Variants in KCNH7 observed in about 807,000 individuals in gnomAD.
KCNH7 encodes potassium voltage-gated channel subfamily H member 7.
A neutral mutation model predicts 120.8 loss-of-function variants in KCNH7; 49 were observed. The ratio of observed to expected loss-of-function variants is 0.41; its 90% CI spans 0.32 to 0.51. KCNH7 has a LOEUF of 0.51. Among genes scored for constraint, KCNH7 ranks in the 20% least tolerant of loss-of-function variants. The pLI, the probability that KCNH7 is intolerant of heterozygous loss-of-function variation, is 0.38. For synonymous variants in KCNH7, 547 were observed against 516.1 expected, an observed-to-expected ratio of 1.06 and a Z score of -0.81; for missense variants, 1,097 against 1,446.6, an observed-to-expected ratio of 0.76 and a Z score of 3.92.
intron 2 of KCNH7, among the ~76,000 whole-genome samples, chr2:162,542,640 C>T (rs986764146): frequency 4.6e-5 from 7 of 151,946 alleles, no homozygotes; most frequent in African/African-American, 9.7e-5. Flanking sequence ...TTCCTTAATC[C>T]GGTCTGTCAT....
At chr2:162,581,782 A>G (rs568828554) in intron 2 of KCNH7, among the ~76,000 whole-genome samples, 3 of 152,232 alleles carry the variant, frequency 2.0e-5, no homozygotes, top group African/African-American at 4.8e-5. Flanking sequence ...ACAATGTCAT[A>G]TATCTTACTT....
intron 2 of KCNH7, among the ~76,000 whole-genome samples, chr2:162,677,152 A>G (rs1035201044): frequency 9.9e-5 from 15 of 151,576 alleles, no homozygotes; most frequent in Admixed American, 7.9e-4. Flanking sequence ...CAGATTAAGT[A>G]GCAGAAAATA....
intron 2 of KCNH7, among the ~76,000 whole-genome samples, chr2:162,815,637 G>A (rs1291129375): frequency 6.6e-6 from 1 of 152,212 alleles, no homozygotes; most frequent in African/African-American, 2.4e-5. Flanking sequence ...GACAGTTTAT[G>A]TCAGTCTCAA....
At chr2:162,774,372 G>A (rs1365339855) in intron 2 of KCNH7, among the ~76,000 whole-genome samples, 2 of 152,162 alleles carry the variant, frequency 1.3e-5, no homozygotes, top group African/African-American at 2.4e-5. Context: ...CAACAGGGAA[G>A]GGAGAGAAAG....
intron 2 of KCNH7, among the ~76,000 whole-genome samples, chr2:162,597,755 T>C (rs1215024326): frequency 6.6e-6 from 1 of 152,120 alleles, no homozygotes; most frequent in Non-Finnish European, 1.5e-5. Context: ...TTCATTGACC[T>C]GATTTTCTCA....
chr2:162,504,657 C>T lies in KCNH7; in HGVS notation c.914G>A (p.Gly305Glu), dbSNP rs1323610941. ...ASEDNGRNVKGPFNHIKSSLL... is the reference protein window; with the variant it reads ...ASEDNGRNVKEPFNHIKSSLL... ...GCTTGACTTGATATGATTAAAAGGC[C>T]CTAAAAAAATGGAAAGTATTTGTAA... The change falls in exon 6 of 16, where the codon GGG becomes GAG. Residue 305 changes from glycine to glutamate, a missense_variant and splice_region_variant. This residue lies in a region of KCNH7 where 362 missense variants were observed against 372.2 expected (regional missense o/e 0.97). Coordinates refer to ENST00000332142, the MANE Select transcript of KCNH7 (RefSeq NM_033272.4). 6.3e-7 allele frequency: 1 copy of T among 1,598,150 alleles called. No homozygotes were observed. Among genetic ancestry groups the T allele is most frequent in the African/African-American group, 1.4e-5 (1 of 74,052 alleles).
rs200281723 is a variant in KCNH7 at position 162,518,094 on chromosome 2, T to A, written c.528A>T (p.Pro176=). 1.2e-6 allele frequency: 2 copies of A among 1,612,170 alleles called. No homozygotes were observed. The highest frequency in any genetic ancestry group is 1.7e-6 in the Non-Finnish European group (2 of 1,178,800). ...TGACCACCACATCGGGGTCTTCTTGTGGTAAGGACTGCTTTCTGTAAGTGA... is the reference window on the plus strand; with the variant it reads ...TGACCACCACATCGGGGTCTTCTTGAGGTAAGGACTGCTTTCTGTAAGTGA... ...RVLTYRKQSL[P]QEDPDVVVID... is the part of the protein sequence containing the mutation. The change falls in exon 4 of 16, where the codon CCA becomes CCT. Residue 176 remains proline, a synonymous_variant. Coordinates refer to ENST00000332142, the MANE Select transcript of KCNH7 (RefSeq NM_033272.4).
chr2:162,586,001 A>G (rs895019177), intron 2 of KCNH7, among the ~76,000 whole-genome samples: 1 of 152,118 alleles, frequency 6.6e-6, no homozygotes, highest in South Asian at 2.1e-4. Flanking sequence ...TTTTAAAAAA[A>G]TTAAATTTTC....
chr2:162,806,620 G>A (rs890591888), intron 2 of KCNH7, among the ~76,000 whole-genome samples: 2 of 152,090 alleles, frequency 1.3e-5, no homozygotes, highest in African/African-American at 4.8e-5. Flanking sequence ...GTGCTTTAGG[G>A]TATTCTCTTA....
chr2:162,678,881 C>T (rs1298014769), intron 2 of KCNH7, among the ~76,000 whole-genome samples: 2 of 151,486 alleles, frequency 1.3e-5, no homozygotes, highest in East Asian at 3.9e-4. Flanking sequence ...AGTCTGTTGC[C>T]TTGAGATTGA....
At chr2:162,717,854 C>T (rs559515419) in intron 2 of KCNH7, among the ~76,000 whole-genome samples, 9 of 151,982 alleles carry the variant, frequency 5.9e-5, no homozygotes, top group Admixed American at 2.6e-4. Flanking sequence ...TATAAACAGT[C>T]CCTAAAGAAT....
At chr2:162,499,685 T>A (rs1690612362) in intron 6 of KCNH7, among the ~76,000 whole-genome samples, 1 of 152,112 alleles carries the variant, frequency 6.6e-6, no homozygotes, top group African/African-American at 2.4e-5. Context: ...GACTGCAGAC[T>A]TACTCTTGCT....
intron 6 of KCNH7, among the ~76,000 whole-genome samples, chr2:162,489,254 CTCA>C (rs1055393330): frequency 1.3e-5 from 2 of 151,748 alleles, no homozygotes; most frequent in African/African-American, 4.8e-5. Flanking sequence ...TTATTTTTTC[CTCA>C]TCATTGACCA....
intron 2 of KCNH7, among the ~76,000 whole-genome samples, chr2:162,601,207 A>G (rs984688811): frequency 1.3e-5 from 2 of 151,902 alleles, no homozygotes; most frequent in Non-Finnish European, 2.9e-5. Context: ...TCTGAGGCCT[A>G]CGGGTGGTCA....
chr2:162,433,449 G>C (rs1488575134), intron 8 of KCNH7, among the ~76,000 whole-genome samples: 5 of 152,032 alleles, frequency 3.3e-5, no homozygotes, highest in African/African-American at 9.7e-5. Flanking sequence ...CAATAGAATA[G>C]AATAGAAAAC....
intron 13 of KCNH7, among the ~76,000 whole-genome samples, chr2:162,383,080 G>T (rs77951809): frequency 6.6e-6 from 1 of 151,654 alleles, no homozygotes; most frequent in South Asian, 2.1e-4. Flanking sequence ...TATGAAGAAG[G>T]GCATGAGAAT....
At chr2:162,420,811 C>G (rs1330071419) in intron 9 of KCNH7, among the ~76,000 whole-genome samples, 1 of 152,030 alleles carries the variant, frequency 6.6e-6, no homozygotes. Flanking sequence ...ATGCGAAATA[C>G]AAGTTTAATA....
chr2:162,664,281 C>T (rs1270100462), intron 2 of KCNH7, among the ~76,000 whole-genome samples: 1 of 152,142 alleles, frequency 6.6e-6, no homozygotes, highest in Non-Finnish European at 1.5e-5. Flanking sequence ...GATTCTTAGA[C>T]ATCCTAAAGC....
At chr2:162,644,287 T>C (rs574535310) in intron 2 of KCNH7, among the ~76,000 whole-genome samples, 1 of 152,328 alleles carries the variant, frequency 6.6e-6, no homozygotes, top group African/African-American at 2.4e-5. Flanking sequence ...TAGTGGTGTG[T>C]CTTTTTAGTA....
Sources: gnomAD v4.1 joint callset for allele counts (sites outside exome capture counted in the v4.1 genomes callset) on GRCh38, gnomAD v4.1.1 for gene constraint, gnomAD v4.1.1 regional missense constraint, MANE v1.5 for transcripts, NCBI Gene and HGNC (gene_info 2026-07-23, HGNC 2026-07-21) for gene names.